The following HSPA12A variants were observed in gnomAD, a reference collection of about 807,000 sequenced individuals.
The protein encoded by HSPA12A is heat shock 70 kDa protein 12A.
Under a neutral mutation model 69.2 loss-of-function variants are expected in HSPA12A, and 28 were observed. The observed-to-expected ratio is 0.40, with a 90% CI of 0.30 to 0.55. HSPA12A has a LOEUF of 0.55. HSPA12A is among the 20% of genes least tolerant of loss of function. The pLI is 0.38. For synonymous variants in HSPA12A, 345 were observed against 370.5 expected (o/e 0.93, Z 0.79); for missense variants, 686 against 900.7 (o/e 0.76, Z 3.05).
At chr10:116,778,008 G>A (rs372392973) in intron 2 of HSPA12A, among the ~76,000 whole-genome samples, 3 of 152,122 alleles carry the variant, frequency 2.0e-5, no homozygotes, top group Non-Finnish European at 2.9e-5. Context: ...TTACAGACAC[G>A]AGCCACTGCA....
chr10:116,790,375 T>C (rs1041365092), intron 2 of HSPA12A, among the ~76,000 whole-genome samples: 3 of 151,934 alleles, frequency 2.0e-5, no homozygotes, highest in Admixed American at 6.6e-5. Flanking sequence ...AGTGCTGGGA[T>C]TACAGGTGTA....
chr10:116,850,644 G>A (rs772089485), upstream of HSPA12A, among the ~76,000 whole-genome samples: 12 of 151,928 alleles, frequency 7.9e-5, no homozygotes, highest in Non-Finnish European at 1.3e-4. Flanking sequence ...AAACCACGTC[G>A]TATTGAGGCA....
chr10:116,700,530 C>A (rs1271284148), intron 4 of HSPA12A, among the ~76,000 whole-genome samples: 5 of 152,136 alleles, frequency 3.3e-5, no homozygotes, highest in Non-Finnish European at 5.9e-5. Context: ...AGAGCTACTG[C>A]CCTGAGCTCG....
chr10:116,837,274 A>G (rs917522330), intron 1 of HSPA12A, among the ~76,000 whole-genome samples: 1 of 152,218 alleles, frequency 6.6e-6, no homozygotes. Flanking sequence ...GTGTAAGTTT[A>G]TATCTAAATC....
At chr10:116,764,696 G>A (rs1230713423) in intron 2 of HSPA12A, among the ~76,000 whole-genome samples, 1 of 152,056 alleles carries the variant, frequency 6.6e-6, no homozygotes, top group Non-Finnish European at 1.5e-5. Flanking sequence ...TTGACTTGGA[G>A]TGCTTTATAT....
At chr10:116,747,021 G>A (rs1851663365), upstream of HSPA12A, among the ~76,000 whole-genome samples, 1 of 152,220 alleles carries the variant, frequency 6.6e-6, no homozygotes, top group African/African-American at 2.4e-5. Context: ...AAAACTTGCA[G>A]AGAAAACCTG....
chr10:116,849,751 G>T (rs775298055), upstream of HSPA12A: 7 of 1,487,954 alleles, frequency 4.7e-6, no homozygotes, highest in African/African-American at 2.8e-5. Flanking sequence ...TGGGACAAGC[G>T]CTCTCCTCCC....
In HSPA12A at chr10:116,794,114, A is replaced by G. The variant is rs548197435; in HGVS notation, c.91+40821T>C. On this transcript the variant is annotated intron_variant, in intron 2 of 12. Transcript: ENST00000635765. ...GCTATACTCGGGTGGCTGAGGCAGG[A>G]GAATGGCGTGAACCCGGGAGGTGGA... Among the ~76,000 whole-genome samples, 9 of 152,240 alleles carry G rather than the reference A, an allele frequency of 5.9e-5. No individual in the cohort carries two copies. In the South Asian group the frequency reaches 1.7e-3, roughly 28 times the overall value.
intron 1 of HSPA12A, chr10:116,835,208 T>C (rs1564835546): frequency 3.2e-6 from 1 of 313,662 alleles, no homozygotes; most frequent in Non-Finnish European, 5.8e-6. Context: ...CACCTACTTG[T>C]TGTGTGGCCT....
At chr10:116,712,050 G>A (rs1850450295) in intron 1 of HSPA12A, among the ~76,000 whole-genome samples, 2 of 152,158 alleles carry the variant, frequency 1.3e-5, no homozygotes, top group Non-Finnish European at 1.5e-5. Flanking sequence ...GGAAGGGGAA[G>A]AGACCTTTCT....
At chr10:116,779,214 G>T (rs1388906687) in intron 2 of HSPA12A, among the ~76,000 whole-genome samples, 1 of 152,174 alleles carries the variant, frequency 6.6e-6, no homozygotes, top group Non-Finnish European at 1.5e-5. Context: ...GGGACATGTG[G>T]GTGTAATGAG....
rs971463091 is a variant in HSPA12A at position 116,698,555 on chromosome 10, G to A, written c.546+80C>T. On this transcript the variant is annotated intron_variant, in intron 5 of 11. Transcript: ENST00000369209. ...CTGTGCCTCCTACCCTGGCCAGCAGGTGCAGCAGCCCGAGACACGGAGCTG... is the reference window on the plus strand; with the variant it reads ...CTGTGCCTCCTACCCTGGCCAGCAGATGCAGCAGCCCGAGACACGGAGCTG... 10 of 1,103,442 alleles carry A rather than the reference G, an allele frequency of 9.1e-6. No homozygotes were observed. In the African/African-American group the frequency reaches 1.2e-4, roughly 14 times the overall value. 68.4% of individuals were successfully genotyped at this position (1,103,442 alleles called of 1,614,324 possible). A position where few individuals can be genotyped will look rare whatever the true frequency, so the allele number is the denominator to read the frequency against.
At chr10:116,684,053 G>A (rs1400737918) in intron 6 of HSPA12A, 91 bp from the exon 7 acceptor site, 3 of 1,102,438 alleles carry the variant, frequency 2.7e-6, no homozygotes, top group African/African-American at 3.1e-5. Flanking sequence ...CCCTAAGGAG[G>A]GCGCACTCGT....
intron 2 of HSPA12A, among the ~76,000 whole-genome samples, chr10:116,820,978 G>A (rs904314099): frequency 1.3e-4 from 19 of 151,956 alleles, no homozygotes; most frequent in Non-Finnish European, 2.5e-4. Context: ...CCAGTCCCCA[G>A]AAATCCTATG....
At chr10:116,677,359 T>C (rs1387787462) in intron 10 of HSPA12A, among the ~76,000 whole-genome samples, 1 of 152,166 alleles carries the variant, frequency 6.6e-6, no homozygotes, top group Non-Finnish European at 1.5e-5. Context: ...CCCAGGAACA[T>C]GTTCTAGATG....
chr10:116,814,691 A>G (rs1229080637), intron 2 of HSPA12A, among the ~76,000 whole-genome samples: 1 of 152,188 alleles, frequency 6.6e-6, no homozygotes, highest in East Asian at 1.9e-4. Flanking sequence ...GAGCCAAAAG[A>G]GAAAGGACAT....
chr10:116,806,956 G>A (rs1021179250), intron 2 of HSPA12A, among the ~76,000 whole-genome samples: 11 of 152,166 alleles, frequency 7.2e-5, no homozygotes, highest in Non-Finnish European at 1.3e-4. Context: ...CGTCTTTGCA[G>A]GAGACACAGA....
At chr10:116,811,581 A>T (rs1200472838) in intron 2 of HSPA12A, among the ~76,000 whole-genome samples, 2 of 33,966 alleles carry the variant, frequency 5.9e-5, no homozygotes, top group Admixed American at 6.9e-4. Flanking sequence ...GCTTTTGTTA[A>T]AAAAAAAAAA....
At chr10:116,707,322 C>T in intron 1 of HSPA12A, 37 bp from the exon 2 acceptor site, 1 of 1,507,644 alleles carries the variant, frequency 6.6e-7, no homozygotes, top group South Asian at 1.2e-5. Context: ...TTAGAAGTGG[C>T]ATGGACTGAC....
Sources: gnomAD v4.1 joint callset for allele counts (sites outside exome capture counted in the v4.1 genomes callset) on GRCh38, gnomAD v4.1.1 for gene constraint, MANE v1.5 for transcripts, NCBI Gene and HGNC (gene_info 2026-07-23, HGNC 2026-07-21) for gene names.